Variants in UQCC1 observed in about 807,000 individuals in gnomAD.
UQCC1 encodes the protein bFGF-repressed Zic-binding protein.
A neutral mutation model predicts 48.0 loss-of-function variants in UQCC1; 38 were observed. That is an observed-to-expected ratio of 0.79 (90% CI 0.61 to 1.04). UQCC1 has a LOEUF of 1.04. Ranked by LOEUF, UQCC1 falls within the 50% of genes least tolerant of loss-of-function variation. UQCC1 has a pLI of 0.00. For synonymous variants in UQCC1, 111 were observed against 129.2 expected (o/e 0.86, Z 0.95); for missense variants, 368 against 381.8 (o/e 0.96, Z 0.30).
intron 6 of UQCC1, among the ~76,000 whole-genome samples, chr20:35,358,988 C>T (rs1035766871): frequency 1.9e-4 from 29 of 151,972 alleles, no homozygotes; most frequent in African/African-American, 6.0e-4. Flanking sequence ...AGGCAAATAA[C>T]GCAGCTAGCA....
intron 6 of UQCC1, 102 bp from the exon 7 acceptor site, chr20:35,347,374 C>A: frequency 1.4e-6 from 2 of 1,401,122 alleles, no homozygotes; most frequent in South Asian, 1.2e-5. Context: ...TAGCAAAGGG[C>A]ACCAAATCAA....
chr20:35,367,106 A>C (rs571917216), intron 5 of UQCC1, among the ~76,000 whole-genome samples: 2,812 of 150,558 alleles, frequency 0.019, 113 homozygotes, highest in South Asian at 0.083. Flanking sequence ...AAAAAAAAAA[A>C]AAACAAACAA....
intron 4 of UQCC1, among the ~76,000 whole-genome samples, chr20:35,376,972 A>AAAAAAAAG (rs1555811831): frequency 4.1e-4 from 62 of 151,882 alleles, no homozygotes; most frequent in African/African-American, 1.5e-3. Context: ...ACAAAACAAA[A>AAAAAAAAG]AAAAAAAGAA....
At chr20:35,307,743 T>G (rs2060944836) in intron 8 of UQCC1, among the ~76,000 whole-genome samples, 1 of 152,206 alleles carries the variant, frequency 6.6e-6, no homozygotes, top group Non-Finnish European at 1.5e-5. Context: ...TCAAAACAGA[T>G]GAAGTTACCT....
intron 4 of UQCC1, among the ~76,000 whole-genome samples, chr20:35,376,979 A>G (rs2061809684): frequency 6.9e-6 from 1 of 145,732 alleles, no homozygotes; most frequent in African/African-American, 2.5e-5. Flanking sequence ...AAAAAAAAAA[A>G]GAAAAAGAAA....
intron 6 of UQCC1, among the ~76,000 whole-genome samples, chr20:35,353,667 C>T (rs1485530249): frequency 6.6e-6 from 1 of 151,992 alleles, no homozygotes; most frequent in African/African-American, 2.4e-5. Flanking sequence ...TGGTAAGCGT[C>T]TGTAGTCCCA....
intron 7 of UQCC1, among the ~76,000 whole-genome samples, chr20:35,342,861 T>C (rs1408420270): frequency 6.6e-6 from 1 of 152,220 alleles, no homozygotes; most frequent in Non-Finnish European, 1.5e-5. Context: ...ATTTAACACC[T>C]GCTTTTTGTA....
chr20:35,409,409 GC>G, intron 1 of UQCC1: 1 of 163,132 alleles, frequency 6.1e-6, no homozygotes, highest in Non-Finnish European at 1.3e-5. Flanking sequence ...GGCAGAGGTT[GC>G]AGTGAGCCAA....
intron 9 of UQCC1, among the ~76,000 whole-genome samples, chr20:35,304,967 C>T (rs1027865758): frequency 2.6e-5 from 4 of 152,200 alleles, no homozygotes; most frequent in Non-Finnish European, 4.4e-5. Context: ...CCCCCAGTGC[C>T]ACCCCTCTGC....
chr20:35,404,631 C>T (rs543196729), intron 1 of UQCC1, among the ~76,000 whole-genome samples: 126 of 148,670 alleles, frequency 8.5e-4, no homozygotes, highest in African/African-American at 2.9e-3. Context: ...CAAACCTGCA[C>T]GTTGTGCACA....
intron 8 of UQCC1, among the ~76,000 whole-genome samples, chr20:35,308,404 G>T (rs2060951274): frequency 6.6e-6 from 1 of 152,286 alleles, no homozygotes; most frequent in Non-Finnish European, 1.5e-5. Context: ...ACATGCCAGA[G>T]CGCTGCTGGC....
At chr20:35,304,872 C>A (rs540634649) in intron 9 of UQCC1, among the ~76,000 whole-genome samples, 2 of 152,196 alleles carry the variant, frequency 1.3e-5, no homozygotes, top group African/African-American at 4.8e-5. Flanking sequence ...CCCAGCCTCT[C>A]GCACGTGTCT....
At chr20:35,320,623 G>A (rs1194554875) in intron 7 of UQCC1, among the ~76,000 whole-genome samples, 3 of 152,236 alleles carry the variant, frequency 2.0e-5, no homozygotes, top group Admixed American at 2.0e-4. Flanking sequence ...TGGGTCATCA[G>A]TGGCCGGTTA....
intron 4 of UQCC1, among the ~76,000 whole-genome samples, chr20:35,381,385 T>C (rs1185469336): frequency 6.6e-6 from 1 of 152,190 alleles, no homozygotes; most frequent in Non-Finnish European, 1.5e-5. Flanking sequence ...TGGCATACCA[T>C]GCAGCAAGGG....
intron 7 of UQCC1, among the ~76,000 whole-genome samples, chr20:35,342,799 T>G (rs1017333627): frequency 2.0e-5 from 3 of 152,324 alleles, no homozygotes; most frequent in South Asian, 2.1e-4. Context: ...CCAAATAATG[T>G]TTTTTTAAGT....
intron 7 of UQCC1, among the ~76,000 whole-genome samples, chr20:35,343,772 C>A (rs73280153): frequency 0.028 from 4,316 of 152,284 alleles, 218 homozygotes; most frequent in African/African-American, 0.098. Context: ...CCCCACCCTG[C>A]GTCACTAGCA....
chr20:35,356,456 AAACTT>A (rs1219101987), intron 6 of UQCC1, among the ~76,000 whole-genome samples: 2 of 152,256 alleles, frequency 1.3e-5, no homozygotes, highest in Non-Finnish European at 2.9e-5. Context: ...AAGAAAAAAA[AAACTT>A]AAATAGCAAA....
At chr20:35,319,442 T>A (rs116453020) in intron 7 of UQCC1, among the ~76,000 whole-genome samples, 17 of 152,320 alleles carry the variant, frequency 1.1e-4, no homozygotes, top group African/African-American at 3.8e-4. Flanking sequence ...CCGTTCATTT[T>A]TAAACAAAGT....
intron 6 of UQCC1, 42 bp downstream of exon 6, chr20:35,366,514 TA>T: frequency 6.3e-7 from 1 of 1,586,318 alleles, no homozygotes; most frequent in African/African-American, 1.3e-5. Context: ...CAGCAGTGTT[TA>T]AAAAAATACA....
Sources: gnomAD v4.1 joint callset for allele counts (sites outside exome capture counted in the v4.1 genomes callset) on GRCh38, gnomAD v4.1.1 for gene constraint, MANE v1.5 for transcripts, NCBI Gene and HGNC (gene_info 2026-07-23, HGNC 2026-07-21) for gene names.